FHIT: variants seen among roughly 807,000 people sequenced by gnomAD.
FHIT encodes bis(5'-adenosyl)-triphosphatase.
FHIT carries 19 observed loss-of-function variants against 17.9 expected under a neutral mutation model. The observed-to-expected ratio is 1.06, with a 90% CI of 0.74 to 1.56. The LOEUF (loss-of-function observed/expected upper bound fraction) is 1.56. Among genes scored for constraint, FHIT ranks in the 40% most tolerant of loss-of-function variants. FHIT has a pLI of 0.00. For missense variants in FHIT, 248 were observed against 189.2 expected (o/e 1.31, Z -1.82); for synonymous variants, 81 against 69.7 (o/e 1.16, Z -0.81).
chr3:60,644,991 G>A (rs2107797264), intron 4 of FHIT, among the ~76,000 whole-genome samples: 1 of 152,164 alleles, frequency 6.6e-6, no homozygotes, highest in Middle Eastern at 3.4e-3. Flanking sequence ...CTTTTGATAA[G>A]CTTTTATGGA....
chr3:60,941,026 A>G (rs1412889154), intron 3 of FHIT, among the ~76,000 whole-genome samples: 3 of 152,204 alleles, frequency 2.0e-5, no homozygotes, highest in Admixed American at 6.5e-5. Flanking sequence ...TAATTTTAAT[A>G]ATATTTTATG....
intron 5 of FHIT, among the ~76,000 whole-genome samples, chr3:60,051,419 A>C (rs4083381): frequency 0.68 from 102,910 of 150,332 alleles, 36,191 homozygotes; most frequent in Middle Eastern, 0.81. Context: ...GAACACCTAG[A>C]CATAACTTAA....
intron 2 of FHIT, among the ~76,000 whole-genome samples, chr3:61,174,527 G>A (rs1331674649): frequency 6.6e-6 from 1 of 152,154 alleles, no homozygotes; most frequent in Non-Finnish European, 1.5e-5. Flanking sequence ...CTCTGGGCGG[G>A]GGGGACCTCA....
chr3:60,353,214 G>C (rs1250272352), intron 5 of FHIT, among the ~76,000 whole-genome samples: 1 of 152,052 alleles, frequency 6.6e-6, no homozygotes, highest in African/African-American at 2.4e-5. Flanking sequence ...CCATGAAGCT[G>C]AATCCTCCAC....
intron 2 of FHIT, among the ~76,000 whole-genome samples, chr3:61,086,613 C>A (rs2035314126): frequency 6.6e-6 from 1 of 152,126 alleles, no homozygotes; most frequent in Non-Finnish European, 1.5e-5. Context: ...GAAGTCACTT[C>A]AATGCACCTC....
intron 4 of FHIT, among the ~76,000 whole-genome samples, chr3:60,604,265 A>G (rs2038537355): frequency 1.3e-5 from 2 of 152,200 alleles, no homozygotes; most frequent in African/African-American, 4.8e-5. Context: ...ACTTTTGACC[A>G]CAAAAGTGAG....
At chr3:60,977,516 C>G (rs1384755302) in intron 3 of FHIT, among the ~76,000 whole-genome samples, 1 of 152,194 alleles carries the variant, frequency 6.6e-6, no homozygotes, top group Non-Finnish European at 1.5e-5. Flanking sequence ...CAAACAATTG[C>G]AGATGCTGTA....
chr3:59,812,446 G>A (rs1017660577), intron 8 of FHIT, among the ~76,000 whole-genome samples: 4 of 152,260 alleles, frequency 2.6e-5, no homozygotes, highest in Non-Finnish European at 4.4e-5. Flanking sequence ...AAAGCCAAGC[G>A]CTGGGCATTT....
intron 5 of FHIT, among the ~76,000 whole-genome samples, chr3:60,141,719 A>T (rs184789959): frequency 6.6e-6 from 1 of 152,320 alleles, no homozygotes; most frequent in East Asian, 1.9e-4. Context: ...GGTGTTTGGA[A>T]TTGTGCTGAT....
intron 5 of FHIT, chr3:60,536,542 C>A (rs1326454829): frequency 8.4e-6 from 2 of 237,052 alleles, no homozygotes; most frequent in African/African-American, 4.5e-5. Flanking sequence ...TCACTGGGCT[C>A]ATTTTAGAAG....
intron 2 of FHIT, among the ~76,000 whole-genome samples, chr3:61,181,314 C>T (rs1427611312): frequency 6.6e-6 from 1 of 152,154 alleles, no homozygotes; most frequent in South Asian, 2.1e-4. Context: ...CAAATATATA[C>T]TGTGAAAACA....
At chr3:60,955,009 T>C (rs1709048767) in intron 3 of FHIT, among the ~76,000 whole-genome samples, 1 of 152,210 alleles carries the variant, frequency 6.6e-6, no homozygotes, top group Non-Finnish European at 1.5e-5. Context: ...ATTGTTACCA[T>C]ATACTCCAAG....
At chr3:60,243,258 A>T (rs527283341) in intron 5 of FHIT, among the ~76,000 whole-genome samples, 4 of 152,106 alleles carry the variant, frequency 2.6e-5, no homozygotes, top group Admixed American at 1.3e-4. Flanking sequence ...TTAACACTCA[A>T]TGAATGCTAT....
At chr3:61,069,975 G>A (rs1001324311) in intron 2 of FHIT, among the ~76,000 whole-genome samples, 21 of 152,034 alleles carry the variant, frequency 1.4e-4, no homozygotes, top group Admixed American at 2.6e-4. Flanking sequence ...GCAGTGGTGC[G>A]ATCTCGGCTC....
At chr3:61,036,163 G>A (rs984245830) in intron 3 of FHIT, among the ~76,000 whole-genome samples, 6 of 152,174 alleles carry the variant, frequency 3.9e-5, no homozygotes, top group East Asian at 3.8e-4. Context: ...GGCAGAAGGC[G>A]AAATAGTAGC....
At chr3:59,928,467 G>A (rs1306214270) in intron 7 of FHIT, among the ~76,000 whole-genome samples, 1 of 152,138 alleles carries the variant, frequency 6.6e-6, no homozygotes, top group Non-Finnish European at 1.5e-5. Context: ...CCAGAGACTG[G>A]CAGAAAGGAT....
At chr3:60,533,391 A>T (rs548949473) in intron 5 of FHIT, among the ~76,000 whole-genome samples, 2 of 152,322 alleles carry the variant, frequency 1.3e-5, no homozygotes, top group South Asian at 4.1e-4. Context: ...ATGCTAAGAA[A>T]AAAGAGATGT....
At chr3:60,768,625 T>C (rs1553722164) in intron 4 of FHIT, among the ~76,000 whole-genome samples, 1 of 152,166 alleles carries the variant, frequency 6.6e-6, no homozygotes, top group Non-Finnish European at 1.5e-5. Flanking sequence ...ACCAATGTGC[T>C]CTCCCACATT....
rs142419661 is a variant in FHIT, at chr3:60,134,670, C to T, written c.104-120518G>A. On this transcript the variant is annotated intron_variant, in intron 5 of 9. Coordinates refer to ENST00000492590, the MANE Select transcript of FHIT (RefSeq NM_002012.4). ...ATGGGCTCCTGTTCAGTCTCTCTTG[C>T]CAGCCAATCCTCCAAGAGAGACACC... Among the ~76,000 whole-genome samples the T allele has an allele frequency of 3.8e-3, 575 of 152,288 alleles. 2 individuals are homozygous for T. Among genetic ancestry groups the T allele is most frequent in the African/African-American group, 0.012 (515 of 41,564 alleles).
Sources: allele counts gnomAD v4.1 joint callset (sites outside exome capture counted in the v4.1 genomes callset), GRCh38; gene constraint gnomAD v4.1.1; transcripts MANE v1.5; gene names NCBI Gene and HGNC (gene_info 2026-07-23, HGNC 2026-07-21).